YAP1: variants seen among roughly 807,000 people sequenced by gnomAD.
YAP1 encodes the protein Yes1 associated transcriptional regulator, also known as transcriptional coactivator YAP1.
Under a neutral mutation model 56.9 loss-of-function variants are expected in YAP1, and 5 were observed. The observed-to-expected ratio is 0.09, with a 90% CI of 0.05 to 0.18. The LOEUF is 0.18. Among genes scored for constraint, YAP1 ranks in the 10% least tolerant of loss-of-function variants. The pLI is 1.00. For synonymous variants in YAP1, 265 were observed against 248.1 expected (o/e 1.07, Z -0.64); for missense variants, 539 against 651.8 (o/e 0.83, Z 1.88).
At position 102,232,785 on chromosome 11, in the gene YAP1, A is replaced by G. The variant is rs1374197959; in HGVS notation, c.*2845A>G. On this transcript the variant is annotated 3_prime_UTR_variant, in exon 9 of 9. Transcript: ENST00000282441. ...GTGTTATTTTCAGTCAGGGCTTCTTAGATCTACTTATGGTTGATGGAGCAC... is the reference window on the plus strand; with the variant it reads ...GTGTTATTTTCAGTCAGGGCTTCTTGGATCTACTTATGGTTGATGGAGCAC... 2 of 152,654 alleles carry G rather than the reference A, an allele frequency of 1.3e-5. No individual in the cohort carries two copies. The highest frequency in any genetic ancestry group is 4.8e-5 in the African/African-American group (2 of 41,460). 9.5% of individuals were successfully genotyped at this position (152,654 alleles called of 1,614,324 possible).
intron 2 of YAP1, among the ~76,000 whole-genome samples, chr11:102,149,017 G>GT (rs1945480427): frequency 6.6e-6 from 1 of 152,082 alleles, no homozygotes; most frequent in Non-Finnish European, 1.5e-5. Flanking sequence ...GCTTTGTGTG[G>GT]TATTCTGATA....
At chr11:102,175,683 T>C (rs1276553822) in intron 3 of YAP1, among the ~76,000 whole-genome samples, 1 of 152,218 alleles carries the variant, frequency 6.6e-6, no homozygotes, top group Non-Finnish European at 1.5e-5. Context: ...GCTACAAACC[T>C]GGACAGCATG....
chr11:102,203,052 C>A (rs1324330102), intron 4 of YAP1, among the ~76,000 whole-genome samples: 1 of 152,066 alleles, frequency 6.6e-6, no homozygotes, highest in African/African-American at 2.4e-5. Flanking sequence ...AAAGAAAAAA[C>A]CAAGGGGGAA....
chr11:102,229,931 A>G lies in YAP1; in HGVS notation c.1506A>G (p.Thr502=), dbSNP rs1282882364. Residue 502 remains threonine (T), a synonymous_variant, in exon 9 of 9, where the codon ACA becomes ACG. Coordinates refer to ENST00000282441, the MANE Select transcript of YAP1 (RefSeq NM_001130145.3). ...AGCTAGATAAAGAAAGCTTTCTTAC[A>G]TGGTTATAGAGCCCTCAGGCAGACT... The part of the protein sequence containing the change: ...ATKLDKESFL[T]WL The G allele has an allele frequency of 3.1e-6, 5 of 1,613,698 alleles. No individual in the cohort carries two copies. Among genetic ancestry groups the G allele is most frequent in the South Asian group, 2.2e-5 (2 of 91,072 alleles).
At chr11:102,119,585 C>T (rs12278074) in intron 2 of YAP1, among the ~76,000 whole-genome samples, 2 of 150,688 alleles carry the variant, frequency 1.3e-5, no homozygotes, top group Non-Finnish European at 3.0e-5. Flanking sequence ...AAAGCTTTAT[C>T]TTAGCCATTA....
Position 102,110,873 on chromosome 11 carries a change from C to T in YAP1, c.25C>T (p.Pro9Ser), listed in dbSNP as rs1250761343. 1.4e-6 allele frequency: 2 copies of T among 1,419,590 alleles called. No individual in the cohort carries two copies. Among genetic ancestry groups the T allele is most frequent in the Non-Finnish European group, 1.8e-6 (2 of 1,084,732 alleles). The allele number at this position is 1,419,590 out of a possible 1,614,324, so 87.9% of individuals were successfully genotyped here. The change falls in exon 1 of 9, where the codon CCT becomes TCT. Residue 9 changes from proline to serine, a missense_variant. By Grantham distance (74) the Pro-to-Ser change is moderately conservative (BLOSUM62 -1). Coordinates refer to ENST00000282441, the MANE Select transcript of YAP1 (RefSeq NM_001130145.3). The stretch of plus-strand genomic sequence containing the variant: ...CATGGATCCCGGGCAGCAGCCGCCG[C>T]CTCAACCGGCCCCCCAGGGCCAAGG... MDPGQQPP[P>S]QPAPQGQGQP...
chr11:102,181,753 A>G (rs545648271), intron 3 of YAP1, among the ~76,000 whole-genome samples: 1 of 152,364 alleles, frequency 6.6e-6, no homozygotes, highest in African/African-American at 2.4e-5. Flanking sequence ...GTGGTTGTGT[A>G]TAACTCAGAT....
Position 102,205,965 on chromosome 11 carries a change from G to T in YAP1, c.875G>T (p.Gly292Val). The T allele has an allele frequency of 6.2e-7, 1 of 1,613,540 alleles. No individual in the cohort carries two copies. Among genetic ancestry groups the T allele is most frequent in the East Asian group, 2.2e-5 (1 of 44,874 alleles). ...PPPLAPQSPQ[G>V]GVMGGSNSNQ... ...CCCCTGGCTCCCCAGAGCCCACAGG[G>T]AGGCGTCATGGGTGGCAGCAACTCC... is the stretch of plus-strand genomic sequence containing the variant. Residue 292 changes from glycine to valine, a missense_variant, in exon 5 of 9, where the codon GGA becomes GTA. By Grantham distance (109) the Gly-to-Val change is moderately radical. Around this residue, in one of 4 missense-constraint regions of YAP1, gnomAD observed 414 missense variants for 512.4 expected, o/e 0.81. Transcript: ENST00000282441.
intron 4 of YAP1, among the ~76,000 whole-genome samples, chr11:102,193,202 A>T (rs1948388342): frequency 6.6e-6 from 1 of 152,232 alleles, no homozygotes; most frequent in African/African-American, 2.4e-5. Context: ...GTTAGTAATT[A>T]TTGCTCTCAC....
chr11:102,218,955 C>G (rs1478472948), intron 6 of YAP1, among the ~76,000 whole-genome samples: 1 of 151,862 alleles, frequency 6.6e-6, no homozygotes, highest in Admixed American at 6.6e-5. Context: ...TAGTTTTAAC[C>G]TAATAAAAAG....
At chr11:102,218,313 TACAC>T (rs1196425278) in intron 6 of YAP1, among the ~76,000 whole-genome samples, 1 of 152,232 alleles carries the variant, frequency 6.6e-6, no homozygotes, top group African/African-American at 2.4e-5. Context: ...GCATATAACC[TACAC>T]ACATCCTCCT....
Position 102,230,060 on chromosome 11 carries a change from A to G in YAP1, c.*120A>G, listed in dbSNP as rs189374442. ...TACAGAAAAAGATGAACAAACGTCC[A>G]GCAAGATACTTTAATCCTCTATTTT... On this transcript the variant is annotated 3_prime_UTR_variant, in exon 9 of 9. Transcript: ENST00000282441. 6.6e-4 allele frequency: 540 copies of G among 817,828 alleles called. No homozygotes were observed. Among genetic ancestry groups the G allele is most frequent in the Admixed American group, 1.2e-3 (54 of 44,674 alleles). The allele number at this position is 817,828 out of a possible 1,614,324, so 50.7% of individuals were successfully genotyped here. A position where few individuals can be genotyped will look rare whatever the true frequency, so the allele number is the denominator to read the frequency against.
At position 102,113,879 on chromosome 11, in the gene YAP1, T is replaced by C. The variant is rs532427139; in HGVS notation, c.322-265T>C. Among the ~76,000 whole-genome samples the C allele has an allele frequency of 3.3e-5, 5 of 152,264 alleles. No homozygotes were observed. The South Asian group carries it at 1.0e-3, about 32-fold the overall frequency. ...TTATTCATTCAGTACTAGTTGCCCT[T>C]ACATGTCTAGTGTGGACCAGGGGAA... On this transcript the variant is annotated intron_variant, in intron 1 of 8. Coordinates refer to ENST00000282441, the MANE Select transcript of YAP1 (RefSeq NM_001130145.3).
chr11:102,132,033 G>A (rs1309730647), intron 2 of YAP1, among the ~76,000 whole-genome samples: 3 of 152,014 alleles, frequency 2.0e-5, no homozygotes, highest in Non-Finnish European at 4.4e-5. Context: ...CAGGAGAATC[G>A]CTTGAATTTA....
intron 6 of YAP1, among the ~76,000 whole-genome samples, chr11:102,219,977 G>A (rs1040936159): frequency 5.9e-5 from 9 of 151,590 alleles, no homozygotes; most frequent in East Asian, 2.0e-4. Context: ...CAAATGATCC[G>A]CCCACCTCAG....
chr11:102,192,346 A>G (rs1042581278), intron 4 of YAP1, among the ~76,000 whole-genome samples: 1 of 152,140 alleles, frequency 6.6e-6, no homozygotes. Context: ...GTTATATTCT[A>G]TAGTGTTTCA....
chr11:102,134,334 T>A (rs1473726412), intron 2 of YAP1, among the ~76,000 whole-genome samples: 3 of 152,082 alleles, frequency 2.0e-5, no homozygotes, highest in African/African-American at 7.2e-5. Flanking sequence ...ATCAGGATGC[T>A]ATAAACAACA....
intron 2 of YAP1, among the ~76,000 whole-genome samples, chr11:102,158,347 T>C (rs1429782303): frequency 6.6e-6 from 1 of 152,214 alleles, no homozygotes; most frequent in East Asian, 1.9e-4. Flanking sequence ...TGCTTTATCA[T>C]GGACACAAAA....
chr11:102,205,800 GAATATCCCA>G (rs1441615053), intron 4 of YAP1, 84 bp from the exon 5 acceptor site: 19 of 1,289,330 alleles, frequency 1.5e-5, no homozygotes, highest in Non-Finnish European at 1.8e-5. Flanking sequence ...AAGTTACATC[GAATATCCCA>G]AATTGCTTTT....
Sources: gnomAD v4.1 joint callset for allele counts (sites outside exome capture counted in the v4.1 genomes callset) on GRCh38, gnomAD v4.1.1 for gene constraint, gnomAD v4.1.1 regional missense constraint, MANE v1.5 for transcripts, NCBI Gene and HGNC (gene_info 2026-07-23, HGNC 2026-07-21) for gene names.